SRD5A3: variants seen among roughly 807,000 people sequenced by gnomAD.
SRD5A3 encodes the protein polyprenal reductase.
SRD5A3 carries 24 observed loss-of-function variants against 34.3 expected under a neutral mutation model. That is an observed-to-expected ratio of 0.70 (90% CI 0.51 to 0.99). SRD5A3 has a LOEUF of 0.99. SRD5A3 is among the 50% of genes least tolerant of loss of function. The probability of loss-of-function intolerance (pLI) is 0.00; values close to 1 mark genes in which losing one functional copy is unlikely to be tolerated. For synonymous variants in SRD5A3, 161 were observed against 167.3 expected (o/e 0.96, Z 0.29); for missense variants, 350 against 388.2 (o/e 0.90, Z 0.83).
rs371550301 is a variant in SRD5A3, at chr4:55,359,489, G to T, written c.364+1G>T. 9 of 1,613,832 alleles carry T rather than the reference G, an allele frequency of 5.6e-6. No homozygotes were observed. Among genetic ancestry groups the T allele is most frequent in the Non-Finnish European group, 7.6e-6 (9 of 1,180,010 alleles). On this transcript the variant is annotated splice_donor_variant, in intron 2 of 4. Transcript: ENST00000264228. LOFTEE classifies it high-confidence loss of function. ...ATTCTCGGGGCGGCACAGTTCCAGG[G>T]TAAGGACTCCCTGGGCTTATGACAA...
chr4:55,373,032 C>CA lies in SRD5A3; in HGVS notation c.*2943dup, dbSNP rs1454084075. ...CATTTGCATAAGGTGCCTAAAAACTCAAGAACCATTGATAAGTGAGATCAC... is the reference window on the plus strand; with the variant it reads ...CATTTGCATAAGGTGCCTAAAAACTCAAAGAACCATTGATAAGTGAGATCAC... On this transcript the variant is annotated 3_prime_UTR_variant, in exon 5 of 5. Coordinates refer to ENST00000264228, the MANE Select transcript of SRD5A3 (RefSeq NM_024592.5). 6.6e-6 allele frequency: 1 copy of CA among 151,644 alleles called. No individual in the cohort carries two copies. Among genetic ancestry groups the CA allele is most frequent in the Non-Finnish European group, 1.5e-5 (1 of 67,964 alleles). The allele number at this position is 151,644 out of a possible 1,614,324, so 9.4% of individuals were successfully genotyped here. A position where few individuals can be genotyped will look rare whatever the true frequency, so the allele number is the denominator to read the frequency against.
At position 55,361,197 on chromosome 4, in the gene SRD5A3, C is replaced by T. The variant is rs118024013; in HGVS notation, c.364+1709C>T. 8.3e-4 allele frequency among the ~76,000 whole-genome samples: 126 copies of T among 151,902 alleles called. 2 individuals are homozygous for T. In the East Asian group the frequency reaches 0.023, roughly 27 times the overall value. ...AAAGATGACAATCAGAAGAGCAAAC[C>T]CCGGCCGGGTGTGGTGGTTCATGCC... On this transcript the variant is annotated intron_variant, in intron 2 of 4. Coordinates refer to ENST00000264228, the MANE Select transcript of SRD5A3 (RefSeq NM_024592.5).
chr4:55,367,890 G>A (rs1315508822), intron 4 of SRD5A3, among the ~76,000 whole-genome samples, 168 bp downstream of exon 4: 1 of 152,060 alleles, frequency 6.6e-6, no homozygotes, highest in East Asian at 1.9e-4. Flanking sequence ...GAAAATGAGA[G>A]CCTTACATTG....
chr4:55,367,866 A>C, intron 4 of SRD5A3, 144 bp downstream of exon 4: 1 of 1,061,860 alleles, frequency 9.4e-7, no homozygotes, highest in Non-Finnish European at 1.4e-6. Flanking sequence ...CTGGGCCTTG[A>C]TCTTCCCATC....
In SRD5A3 at chr4:55,371,823, T is replaced by A. The variant is rs1720136911; in HGVS notation, c.*1732T>A. ...GCACATGCCACCATGCCCAGGTAATTGTTGTATTTTTAGTAGAGATAGAGT... is the reference window on the plus strand; with the variant it reads ...GCACATGCCACCATGCCCAGGTAATAGTTGTATTTTTAGTAGAGATAGAGT... On this transcript the variant is annotated 3_prime_UTR_variant, in exon 5 of 5. Transcript: ENST00000264228. 1.3e-5 allele frequency: 2 copies of A among 152,130 alleles called. No homozygotes were observed. Among genetic ancestry groups the A allele is most frequent in the Admixed American group, 1.3e-4 (2 of 15,264 alleles). The allele number at this position is 152,130 out of a possible 1,614,324, so 9.4% of individuals were successfully genotyped here. A position where few individuals can be genotyped will look rare whatever the true frequency, so the allele number is the denominator to read the frequency against.
chr4:55,370,157 G>A lies in SRD5A3; in HGVS notation c.*66G>A. 2.5e-6 allele frequency: 4 copies of A among 1,597,900 alleles called. No individual in the cohort carries two copies. In the South Asian group the frequency reaches 3.3e-5, roughly 13 times the overall value. On this transcript the variant is annotated 3_prime_UTR_variant, in exon 5 of 5. Coordinates refer to ENST00000264228, the MANE Select transcript of SRD5A3 (RefSeq NM_024592.5). ...TCAATGCCTAAGGACAGTGAAGTCTGGAGCCCAAAGTACAGTTTCAGCAAA... is the reference window on the plus strand; with the variant it reads ...TCAATGCCTAAGGACAGTGAAGTCTAGAGCCCAAAGTACAGTTTCAGCAAA...
intron 2 of SRD5A3, among the ~76,000 whole-genome samples, chr4:55,361,408 A>G (rs954450711): frequency 2.0e-4 from 30 of 151,250 alleles, no homozygotes; most frequent in Non-Finnish European, 1.3e-4. Context: ...CTTGAACCCA[A>G]GAGGCAGAGG....
At chr4:55,353,522 G>A (rs545851582) in intron 1 of SRD5A3, among the ~76,000 whole-genome samples, 3 of 152,180 alleles carry the variant, frequency 2.0e-5, no homozygotes, top group Admixed American at 6.5e-5. Flanking sequence ...AGCCAGCAGC[G>A]CCAAGTCACT....
At chr4:55,347,889 G>A (rs1262039556) in intron 1 of SRD5A3, among the ~76,000 whole-genome samples, 1 of 152,134 alleles carries the variant, frequency 6.6e-6, no homozygotes, top group Non-Finnish European at 1.5e-5. Flanking sequence ...GTTTCCTAGA[G>A]GCTCTTTTTA....
Position 55,370,240 on chromosome 4 carries a change from T to C in SRD5A3, c.*149T>C, listed in dbSNP as rs981208570. On this transcript the variant is annotated 3_prime_UTR_variant, in exon 5 of 5. Coordinates refer to ENST00000264228, the MANE Select transcript of SRD5A3 (RefSeq NM_024592.5). ...CCCACAAGTTTTCACTGAATGAGCA[T>C]GGCAGTGCCACTCAAGAAAATGAAT... 2 of 983,344 alleles carry C rather than the reference T, an allele frequency of 2.0e-6. No individual in the cohort carries two copies. The highest frequency in any genetic ancestry group is 3.3e-5 in the African/African-American group (2 of 61,514). The allele number at this position is 983,344 out of a possible 1,614,324, so 60.9% of individuals were successfully genotyped here.
chr4:55,353,518 C>A (rs1002450390), intron 1 of SRD5A3, among the ~76,000 whole-genome samples: 2 of 152,196 alleles, frequency 1.3e-5, no homozygotes, highest in Admixed American at 6.5e-5. Context: ...CCCGAGCCAG[C>A]AGCGCCAAGT....
chr4:55,359,892 C>T (rs558054818), intron 2 of SRD5A3, among the ~76,000 whole-genome samples: 1 of 152,324 alleles, frequency 6.6e-6, no homozygotes, highest in South Asian at 2.1e-4. Context: ...AAACTCATGA[C>T]TTAGAACTCC....
intron 1 of SRD5A3, among the ~76,000 whole-genome samples, chr4:55,357,607 C>T (rs903662530): frequency 1.3e-5 from 2 of 152,236 alleles, no homozygotes; most frequent in African/African-American, 4.8e-5. Flanking sequence ...TTGGGAATCA[C>T]AGGATGGCTC....
intron 4 of SRD5A3, among the ~76,000 whole-genome samples, chr4:55,369,087 G>T (rs1415846185): frequency 6.6e-6 from 1 of 152,112 alleles, no homozygotes; most frequent in African/African-American, 2.4e-5. Flanking sequence ...TTTGTCCCAG[G>T]CCCTGTTCTG....
rs898180590 is a variant in SRD5A3, at chr4:55,352,324, T to G, written c.221+5767T>G. On this transcript the variant is annotated intron_variant, in intron 1 of 4. Transcript: ENST00000264228. ...TTTTCTTTCTTTTTAGGTTTTAATTTATCCTTTTCTGTAAGCCTCTGATCC... is the reference window on the plus strand; with the variant it reads ...TTTTCTTTCTTTTTAGGTTTTAATTGATCCTTTTCTGTAAGCCTCTGATCC... 5 of 793,424 alleles carry G rather than the reference T, an allele frequency of 6.3e-6. No individual in the cohort carries two copies. The African/African-American group carries it at 8.5e-5, about 13-fold the overall frequency. 49.1% of individuals were successfully genotyped at this position (793,424 alleles called of 1,614,324 possible).
chr4:55,346,639 G>T (rs957108585), intron 1 of SRD5A3, 82 bp downstream of exon 1: 2 of 1,319,714 alleles, frequency 1.5e-6, no homozygotes, highest in East Asian at 6.2e-5. Context: ...GCCAGCAGGG[G>T]GCAGCAGAGG....
At chr4:55,365,503 G>A (rs908518281) in intron 3 of SRD5A3, 1 of 152,290 alleles carries the variant, frequency 6.6e-6, no homozygotes, top group African/African-American at 2.4e-5. Flanking sequence ...TACCATGGAA[G>A]GGGCTGTCAT....
Position 55,370,067 on chromosome 4 carries a change from A to G in SRD5A3, c.933A>G (p.Lys311=). The G allele has an allele frequency of 6.2e-7, 1 of 1,613,872 alleles. No homozygotes were observed. The highest frequency in any genetic ancestry group is 8.5e-7 in the Non-Finnish European group (1 of 1,180,038). The change falls in exon 5 of 5, where the codon AAA becomes AAG. Residue 311 remains lysine, a synonymous_variant. Transcript: ENST00000264228. ...SKFVSYPKHR[K]AFLPFLF is the part of the protein sequence containing the mutation. ...TTGTCTCTTACCCGAAGCATAGGAA[A>G]GCTTTCCTACCATTTTTGTTTTAAG... is the stretch of plus-strand genomic sequence containing the variant.
At chr4:55,360,020 G>A (rs1560369935) in intron 2 of SRD5A3, among the ~76,000 whole-genome samples, 1 of 151,194 alleles carries the variant, frequency 6.6e-6, no homozygotes, top group Admixed American at 6.6e-5. Flanking sequence ...AGACCATCCT[G>A]GCTAACACGG....
Sources: gnomAD v4.1 joint callset for allele counts (sites outside exome capture counted in the v4.1 genomes callset) on GRCh38, gnomAD v4.1.1 for gene constraint, MANE v1.5 for transcripts, NCBI Gene and HGNC (gene_info 2026-07-23, HGNC 2026-07-21) for gene names.